Variants in AHRR observed in about 807,000 individuals in gnomAD.
AHRR encodes the protein ahR repressor.
A neutral mutation model predicts 44.0 loss-of-function variants in AHRR; 28 were observed. The observed-to-expected ratio is 0.64, with a 90% CI of 0.47 to 0.87. The LOEUF is 0.87. Among genes scored for constraint, AHRR ranks in the 40% least tolerant of loss-of-function variants. AHRR has a pLI of 0.00. For missense variants in AHRR, 990 were observed against 953.9 expected (o/e 1.04, Z -0.50); for synonymous variants, 434 against 407.0 (o/e 1.07, Z -0.80).
intron 3 of AHRR, among the ~76,000 whole-genome samples, chr5:367,247 G>A (rs1308222882): frequency 6.6e-6 from 1 of 152,224 alleles, no homozygotes; most frequent in Non-Finnish European, 1.5e-5. Flanking sequence ...AGGGAGGCAG[G>A]GGGAGAACGG....
chr5:322,786 C>A (rs1010620259), intron 1 of AHRR: 2 of 152,244 alleles, frequency 1.3e-5, no homozygotes, highest in Non-Finnish European at 2.9e-5. Context: ...TGAAAAGCCA[C>A]GAGTAACAAG....
intron 3 of AHRR, among the ~76,000 whole-genome samples, chr5:359,683 A>G (rs928916406): frequency 4.6e-5 from 7 of 152,022 alleles, no homozygotes; most frequent in Non-Finnish European, 8.8e-5. Context: ...ACCGTGCTCC[A>G]CTGTGGGGCC....
chr5:364,909 A>G (rs968076149), intron 3 of AHRR, among the ~76,000 whole-genome samples: 11 of 152,154 alleles, frequency 7.2e-5, no homozygotes, highest in Non-Finnish European at 1.0e-4. Flanking sequence ...GAGAATCACT[A>G]TGTAATGATT....
At chr5:400,239 C>G (rs1471981098) in intron 4 of AHRR, among the ~76,000 whole-genome samples, 1 of 152,208 alleles carries the variant, frequency 6.6e-6, no homozygotes, top group Admixed American at 6.5e-5. Flanking sequence ...AAGTACTTGC[C>G]GGCTATTTTT....
At chr5:353,449 G>A (rs533913408) in intron 2 of AHRR, among the ~76,000 whole-genome samples, 2 of 152,270 alleles carry the variant, frequency 1.3e-5, no homozygotes, top group South Asian at 4.1e-4. Flanking sequence ...CCGCAGCTGG[G>A]GGCCGTGCCC....
In AHRR at chr5:386,360, G is replaced by A. The variant is rs1003053878; in HGVS notation, c.351+9644G>A. On this transcript the variant is annotated intron_variant, in intron 4 of 10. Coordinates refer to ENST00000684583, the MANE Select transcript of AHRR (RefSeq NM_001377236.1). ...GTCTGTGAATATGTCACTTTACGTG[G>A]TAAAAGGGATCATGCAGATGTGATT... is the stretch of plus-strand genomic sequence containing the variant. 2.0e-5 allele frequency among the ~76,000 whole-genome samples: 3 copies of A among 152,224 alleles called. 1 individual carries two copies. Among genetic ancestry groups the A allele is most frequent in the African/African-American group, 7.2e-5 (3 of 41,446 alleles).
intron 3 of AHRR, among the ~76,000 whole-genome samples, chr5:374,728 C>T (rs1743717555): frequency 2.0e-5 from 3 of 152,254 alleles, no homozygotes; most frequent in African/African-American, 7.2e-5. Context: ...TGCCTCACCT[C>T]CTCACTCGGG....
intron 4 of AHRR, among the ~76,000 whole-genome samples, chr5:392,811 C>A (rs1055398989): frequency 6.6e-6 from 1 of 152,108 alleles, no homozygotes; most frequent in Non-Finnish European, 1.5e-5. Context: ...ACCGCGACTG[C>A]CTCAGGCCTT....
intron 6 of AHRR, among the ~76,000 whole-genome samples, chr5:423,118 G>A (rs112995892): frequency 7.9e-4 from 120 of 152,196 alleles, no homozygotes; most frequent in African/African-American, 2.8e-3. Context: ...TGAGGTCACC[G>A]CCATTCTTGT....
chr5:367,753 G>A (rs1743412815), intron 3 of AHRR: 2 of 677,990 alleles, frequency 2.9e-6, no homozygotes, highest in South Asian at 3.1e-5. Context: ...CTCTCCTAGT[G>A]CTTAACTCGT....
In AHRR at chr5:434,035, G is replaced by C; in HGVS notation, c.1295G>C (p.Gly432Ala). The C allele has an allele frequency of 6.2e-7, 1 of 1,608,144 alleles. No homozygotes were observed. Among genetic ancestry groups the C allele is most frequent in the South Asian group, 1.1e-5 (1 of 90,218 alleles). The change falls in exon 11 of 11, where the codon GGC (glycine) becomes GCC (alanine). Residue 432 changes from glycine (G) to alanine (A), a missense_variant. Coordinates refer to ENST00000684583, the MANE Select transcript of AHRR (RefSeq NM_001377236.1). Reference protein sequence around the residue: ...DPPSLRPMPRGSCLPCPCVQG... With the variant: ...DPPSLRPMPRASCLPCPCVQG... Reference sequence around the variant, plus strand: ...CCCTCCCTGCGCCCCATGCCCCGCGGCTCCTGCCTGCCCTGCCCGTGTGTC... The same window carrying C: ...CCCTCCCTGCGCCCCATGCCCCGCGCCTCCTGCCTGCCCTGCCCGTGTGTC...
At chr5:392,413 G>A (rs1414742058) in intron 4 of AHRR, among the ~76,000 whole-genome samples, 3 of 143,726 alleles carry the variant, frequency 2.1e-5, no homozygotes, top group Non-Finnish European at 3.1e-5. Flanking sequence ...GGGCCAGAGC[G>A]TGCACGAACA....
At chr5:398,042 T>C (rs1257501237) in intron 4 of AHRR, among the ~76,000 whole-genome samples, 305 of 96,182 alleles carry the variant, frequency 3.2e-3, no homozygotes, top group Non-Finnish European at 4.8e-3. Context: ...TGACCATCCA[T>C]GTTAGCCCCT....
chr5:415,758 C>A (rs73038957), intron 5 of AHRR, among the ~76,000 whole-genome samples: 4 of 152,154 alleles, frequency 2.6e-5, no homozygotes, highest in Admixed American at 2.6e-4. Context: ...CAGTGGAAGC[C>A]ACGAACCACC....
At chr5:422,369 G>A in intron 5 of AHRR, 2 of 347,226 alleles carry the variant, frequency 5.8e-6, no homozygotes, top group Non-Finnish European at 5.6e-6. Flanking sequence ...CATAAGATGT[G>A]AAGTGATGGG....
Position 397,048 on chromosome 5 carries a change from TTAGCCCCTGACCATCCACG to T in AHRR, c.352-16240_352-16222del, listed in dbSNP as rs1442695883. Among the ~76,000 whole-genome samples the T allele has an allele frequency of 2.6e-3, 342 of 129,928 alleles. 5 individuals are homozygous for T. Among genetic ancestry groups the T allele is most frequent in the South Asian group, 8.9e-3 (37 of 4,178 alleles). 85.2% of individuals were successfully genotyped at this position (129,928 alleles called of 152,430 possible). A position where few individuals can be genotyped will look rare whatever the true frequency, so the allele number is the denominator to read the frequency against. ...TCCATGTAGCCCCTGACCATCCATGTTAGCCCCTGACCATCCACGTAGCCCCTGACCATCCACGTAGCCC... is the reference window on the plus strand; with the variant it reads ...TCCATGTAGCCCCTGACCATCCATGTTAGCCCCTGACCATCCACGTAGCCC... On this transcript the variant is annotated intron_variant, in intron 4 of 10. Transcript: ENST00000684583.
chr5:394,171 C>T (rs905259636), intron 4 of AHRR, among the ~76,000 whole-genome samples: 3 of 152,186 alleles, frequency 2.0e-5, no homozygotes, highest in Admixed American at 2.0e-4. Flanking sequence ...AGGAGGGAGG[C>T]CCTACAAGGA....
intron 7 of AHRR, among the ~76,000 whole-genome samples, chr5:426,987 G>GAT (rs1736440151): frequency 6.6e-6 from 1 of 150,642 alleles, no homozygotes; most frequent in Admixed American, 6.6e-5. Context: ...TGGATGGATG[G>GAT]GTGGATGTGA....
Position 434,423 on chromosome 5 carries a change from C to T in AHRR, c.1683C>T (p.Ser561=), listed in dbSNP as rs1462399259. ...TGTGGCTGGGGGCCAGTGACAGGAGCCACCCAGCCACCTTCCCTACCAGGA... is the reference window on the plus strand; with the variant it reads ...TGTGGCTGGGGGCCAGTGACAGGAGTCACCCAGCCACCTTCCCTACCAGGA... ...SQVWLGASDR[S]HPATFPTRMH... The change falls in exon 11 of 11, where the codon AGC becomes AGT. Residue 561 remains serine (S), a synonymous_variant. Coordinates refer to ENST00000684583, the MANE Select transcript of AHRR (RefSeq NM_001377236.1). The T allele has an allele frequency of 6.2e-7, 1 of 1,613,242 alleles. No individual in the cohort carries two copies. Among genetic ancestry groups the T allele is most frequent in the Non-Finnish European group, 8.5e-7 (1 of 1,179,960 alleles).
Sources: gnomAD v4.1 joint callset for allele counts (sites outside exome capture counted in the v4.1 genomes callset) on GRCh38, gnomAD v4.1.1 for gene constraint, MANE v1.5 for transcripts, NCBI Gene and HGNC (gene_info 2026-07-23, HGNC 2026-07-21) for gene names.